NKD2: variants seen among roughly 807,000 people sequenced by gnomAD.
The protein encoded by NKD2 is protein naked cuticle homolog 2.
NKD2 carries 43 observed loss-of-function variants against 34.8 expected under a neutral mutation model. That is an observed-to-expected ratio of 1.24 (90% CI 0.97 to 1.60). NKD2 has a LOEUF of 1.60. Ranked by LOEUF, NKD2 falls within the 40% of genes most tolerant of loss-of-function variation. The pLI is 0.00. For synonymous variants in NKD2, 278 were observed against 265.1 expected, an observed-to-expected ratio of 1.05 and a Z score of -0.47; for missense variants, 675 against 627.1, an observed-to-expected ratio of 1.08 and a Z score of -0.82.
rs1210849384 is a variant in NKD2, at chr5:1,038,383, C to T, written c.*10C>T. The T allele has an allele frequency of 3.3e-6, 5 of 1,535,776 alleles. No individual in the cohort carries two copies. The highest frequency in any genetic ancestry group is 4.4e-6 in the Non-Finnish European group (5 of 1,146,858). ...CTTCCACCCGTCCTAGCGCCACTGC[C>T]AAGCACACCTCGCTCCCAGCACACC... On this transcript the variant is annotated 3_prime_UTR_variant, in exon 10 of 10. Transcript: ENST00000296849. The surrounding 1 kb of genome is among the most constrained non-coding windows in gnomAD (Gnocchi z 4.5).
intron 3 of NKD2, among the ~76,000 whole-genome samples, chr5:1,030,200 C>T (rs1033071666): frequency 5.3e-5 from 8 of 152,192 alleles, no homozygotes; most frequent in Non-Finnish European, 1.5e-5. Flanking sequence ...GCAGTGCCTG[C>T]GTCCCTCAGC....
intron 3 of NKD2, among the ~76,000 whole-genome samples, chr5:1,030,993 C>T (rs1004079311): frequency 1.3e-5 from 2 of 152,130 alleles, no homozygotes; most frequent in African/African-American, 2.4e-5. Context: ...GTCCCTCTCT[C>T]CCCACCCAAG....
chr5:1,024,043 C>T (rs1175899235), intron 3 of NKD2, among the ~76,000 whole-genome samples: 1 of 7,878 alleles, frequency 1.3e-4, no homozygotes, highest in African/African-American at 1.5e-4. Flanking sequence ...AGCCCGTTGT[C>T]CCTGCTCTTC....
intron 3 of NKD2, among the ~76,000 whole-genome samples, chr5:1,019,337 G>T (rs1193566856): frequency 2.6e-5 from 4 of 152,208 alleles, no homozygotes; most frequent in African/African-American, 7.2e-5. Context: ...GATGCGCGTG[G>T]TCTTCTCTGA....
chr5:1,031,813 T>C (rs1269149454), intron 3 of NKD2, among the ~76,000 whole-genome samples: 1 of 152,016 alleles, frequency 6.6e-6, no homozygotes, highest in East Asian at 1.9e-4. Flanking sequence ...AAAGGGGCAG[T>C]GTGTCTCCTC....
At position 1,035,489 on chromosome 5, in the gene NKD2, C is replaced by T; in HGVS notation, c.659+16C>T. On this transcript the variant is annotated intron_variant, in intron 8 of 9. Coordinates refer to ENST00000296849, the MANE Select transcript of NKD2 (RefSeq NM_033120.4). ...CACACGTCAGGTGAGGGCTGGGGTG[C>T]CAGGGTGGGGCTGTGCCTTAGGCGG... The T allele has an allele frequency of 6.5e-7, 1 of 1,546,260 alleles. No homozygotes were observed. Among genetic ancestry groups the T allele is most frequent in the South Asian group, 1.2e-5 (1 of 83,976 alleles).
rs1264557524 is a variant in NKD2 at position 1,038,228 on chromosome 5, CCA to C, written c.1214_1215del (p.Thr405SerfsTer125). 1 of 1,592,008 alleles carries C rather than the reference CCA, an allele frequency of 6.3e-7. No individual in the cohort carries two copies. The highest frequency in any genetic ancestry group is 2.3e-5 in the East Asian group (1 of 43,986). On this transcript the variant is annotated frameshift_variant, in exon 10 of 10. Transcript: ENST00000296849. LOFTEE classifies it low-confidence loss of function (END_TRUNC). This position sits in a 1 kb window ranked among gnomAD's most constrained non-coding sequence, Gnocchi z 4.5. Reference sequence around the variant, plus strand: ...CTCAAGGCCCCACACGCTCAGCCTGCCACAGTGGAGCACGAGGTGGTGCGGGA... The same window carrying C: ...CTCAAGGCCCCACACGCTCAGCCTGCCAGTGGAGCACGAGGTGGTGCGGGA...
At chr5:1,030,770 T>G (rs1339464497) in intron 3 of NKD2, among the ~76,000 whole-genome samples, 1 of 152,142 alleles carries the variant, frequency 6.6e-6, no homozygotes, top group African/African-American at 2.4e-5. Context: ...AATAATCAGC[T>G]GTTTTGTTTC....
intron 3 of NKD2, among the ~76,000 whole-genome samples, chr5:1,012,358 C>T (rs1755787477): frequency 6.6e-6 from 1 of 152,270 alleles, no homozygotes; most frequent in South Asian, 2.1e-4. Flanking sequence ...CCCTGGCCTG[C>T]ACGGGGGGCT....
At chr5:1,027,994 G>A (rs868767059) in intron 3 of NKD2, among the ~76,000 whole-genome samples, 1 of 152,224 alleles carries the variant, frequency 6.6e-6, no homozygotes, top group South Asian at 2.1e-4. Flanking sequence ...GCTGCTGGGC[G>A]CTGCCGAGCG....
chr5:1,022,196 C>T (rs912906158), intron 3 of NKD2, among the ~76,000 whole-genome samples: 7 of 152,054 alleles, frequency 4.6e-5, no homozygotes, highest in Non-Finnish European at 7.4e-5. Context: ...CCCATTGTCC[C>T]TGCTCTTCCC....
intron 3 of NKD2, among the ~76,000 whole-genome samples, chr5:1,013,866 C>A (rs1233423087): frequency 6.6e-6 from 1 of 152,166 alleles, no homozygotes; most frequent in African/African-American, 2.4e-5. Flanking sequence ...AGTGTCGGCC[C>A]CTGTGTCTGT....
chr5:1,019,850 CAA>C (rs1485797040), intron 3 of NKD2, among the ~76,000 whole-genome samples: 1 of 151,544 alleles, frequency 6.6e-6, no homozygotes. Context: ...TGAAAGAAAA[CAA>C]AAACGTCCGG....
At chr5:1,032,682 G>A (rs1756690870) in intron 4 of NKD2, among the ~76,000 whole-genome samples, 1 of 152,202 alleles carries the variant, frequency 6.6e-6, no homozygotes, top group Non-Finnish European at 1.5e-5. Context: ...AGGGTGCTGG[G>A]AGGCCAGCAA....
chr5:1,034,291 GC>G lies in NKD2; in HGVS notation c.388del (p.Leu130SerfsTer42). On this transcript the variant is annotated frameshift_variant, in exon 6 of 10. Transcript: ENST00000296849. LOFTEE classifies it high-confidence loss of function. ...ACGACCGCCAGGAGTGGACGTTCAC[GC>G]TCTATGACTTTGACAACTGCGGGAA... ...EDDRQEWTFT[L>X]YDFDNCGKVT... 2 of 1,612,868 alleles carry G rather than the reference GC, an allele frequency of 1.2e-6. No individual in the cohort carries two copies. Among genetic ancestry groups the G allele is most frequent in the Non-Finnish European group, 1.7e-6 (2 of 1,179,914 alleles).
chr5:1,013,862 G>C (rs1332302435), intron 3 of NKD2, among the ~76,000 whole-genome samples: 2 of 152,152 alleles, frequency 1.3e-5, no homozygotes, highest in Non-Finnish European at 2.9e-5. Flanking sequence ...TCTCAGTGTC[G>C]GCCCCTGTGT....
chr5:1,009,156 C>T lies in NKD2; in HGVS notation c.26-23C>T. On this transcript the variant is annotated intron_variant, in intron 1 of 9. Transcript: ENST00000296849. This position sits in a 1 kb window ranked among gnomAD's most constrained non-coding sequence, Gnocchi z 6.9. ...CCGCCTCTCACTGTCGTTTTCCTCT[C>T]CCCGCGTCCCGCCGTGCCGCAGCCG... 1.8e-6 allele frequency: 1 copy of T among 559,674 alleles called. No individual in the cohort carries two copies. Among genetic ancestry groups the T allele is most frequent in the Non-Finnish European group, 3.2e-6 (1 of 311,782 alleles). 34.7% of individuals were successfully genotyped at this position (559,674 alleles called of 1,614,324 possible).
At chr5:1,037,668 A>G in intron 9 of NKD2, 137 bp from the exon 10 acceptor site, 2 of 1,536,496 alleles carry the variant, frequency 1.3e-6, no homozygotes, top group Non-Finnish European at 1.7e-6. Flanking sequence ...TGGCCGTCTG[A>G]CTGCAGACTT....
At chr5:1,032,431 T>C (rs1756681693) in intron 4 of NKD2, among the ~76,000 whole-genome samples, 1 of 152,234 alleles carries the variant, frequency 6.6e-6, no homozygotes, top group Non-Finnish European at 1.5e-5. Flanking sequence ...AAAAGGCCTG[T>C]CCCATGGGCA....
Sources: allele counts gnomAD v4.1 joint callset (sites outside exome capture counted in the v4.1 genomes callset), GRCh38; gene constraint gnomAD v4.1.1; non-coding constraint Gnocchi (gnomAD v3.1); transcripts MANE v1.5; gene names NCBI Gene and HGNC (gene_info 2026-07-23, HGNC 2026-07-21).